Variants in ITGB3BP observed in about 807,000 individuals in gnomAD.
ITGB3BP encodes integrin subunit beta 3 binding protein.
In ITGB3BP, 27 loss-of-function variants were observed where a neutral mutation model predicts 29.1. That is an observed-to-expected ratio of 0.93 (90% CI 0.68 to 1.28). The LOEUF is 1.28. ITGB3BP is among the 50% of genes most tolerant of loss of function. The pLI is 0.00. For synonymous variants in ITGB3BP, 61 were observed against 61.4 expected, an observed-to-expected ratio of 0.99 and a Z score of 0.03; for missense variants, 192 against 200.2, an observed-to-expected ratio of 0.96 and a Z score of 0.25.
intron 1 of ITGB3BP, among the ~76,000 whole-genome samples, chr1:63,518,802 C>T (rs527545578): frequency 2.0e-5 from 3 of 151,956 alleles, no homozygotes; most frequent in South Asian, 4.1e-4. Flanking sequence ...TTTTACCTGC[C>T]TTCTTTTGAA....
chr1:63,482,270 CA>C (rs376500389), intron 3 of ITGB3BP, among the ~76,000 whole-genome samples: 38 of 59,350 alleles, frequency 6.4e-4, no homozygotes, highest in African/African-American at 2.3e-3. Context: ...GACTCCATCT[CA>C]AAAAAAAAAA....
At chr1:63,523,541 A>G (rs1646514111), upstream of ITGB3BP, 3 of 264,898 alleles carry the variant, frequency 1.1e-5, no homozygotes, top group Non-Finnish European at 2.3e-5. Context: ...CATGGTGATT[A>G]GAGAAAGGCC....
chr1:63,448,399 G>A (rs1482543468), intron 7 of ITGB3BP, among the ~76,000 whole-genome samples: 6 of 151,858 alleles, frequency 4.0e-5, no homozygotes, highest in African/African-American at 1.5e-4. Context: ...TCCTGAAAGA[G>A]AGGTTCCAGA....
intron 7 of ITGB3BP, chr1:63,449,780 AAACTTC>A (rs1644837497): frequency 6.5e-6 from 1 of 154,582 alleles, no homozygotes; most frequent in Non-Finnish European, 1.5e-5. Context: ...CGTCACGTCT[AAACTTC>A]AAACCTCAGT....
intron 4 of ITGB3BP, 138 bp from the exon 5 acceptor site, chr1:63,455,106 A>C: frequency 1.9e-6 from 1 of 533,434 alleles, no homozygotes; most frequent in Non-Finnish European, 3.4e-6. Flanking sequence ...TATATTATCA[A>C]CTGTCCCCTC....
At chr1:63,494,768 T>A (rs979343814) in intron 2 of ITGB3BP, among the ~76,000 whole-genome samples, 1 of 152,204 alleles carries the variant, frequency 6.6e-6, no homozygotes, top group African/African-American at 2.4e-5. Context: ...TTAATTTTAA[T>A]AATAAAAGTA....
rs868851398 is a variant in ITGB3BP, at chr1:63,473,636, G to A, written c.254+5128C>T. On this transcript the variant is annotated intron_variant, in intron 4 of 8. Transcript: ENST00000271002. ...AGGGAGGTGGGGGGGTCAGCCCCCCGCCCGGCCAGCCGCCCCGTCCGGGAG... is the reference window on the plus strand; with the variant it reads ...AGGGAGGTGGGGGGGTCAGCCCCCCACCCGGCCAGCCGCCCCGTCCGGGAG... Among the ~76,000 whole-genome samples, 821 of 126,336 alleles carry A rather than the reference G, an allele frequency of 6.5e-3. 7 individuals are homozygous for A. Among genetic ancestry groups the A allele is most frequent in the Middle Eastern group, 0.016 (3 of 192 alleles). 82.9% of individuals were successfully genotyped at this position (126,336 alleles called of 152,430 possible).
chr1:63,456,156 A>G (rs1557611700), intron 4 of ITGB3BP, among the ~76,000 whole-genome samples: 1 of 152,154 alleles, frequency 6.6e-6, no homozygotes, highest in Non-Finnish European at 1.5e-5. Flanking sequence ...AGTGTTAGTC[A>G]TTGACATTTT....
chr1:63,503,391 A>T (rs541511761), intron 2 of ITGB3BP, among the ~76,000 whole-genome samples: 3,308 of 151,458 alleles, frequency 0.022, 110 homozygotes, highest in African/African-American at 0.075. Context: ...GTTTGAGTTC[A>T]TTGTAGATTC....
chr1:63,447,474 C>A, intron 7 of ITGB3BP: 1 of 435,060 alleles, frequency 2.3e-6, no homozygotes, highest in Non-Finnish European at 4.6e-6. Context: ...AGTCCTGTAA[C>A]CAGGCAATTA....
intron 1 of ITGB3BP, among the ~76,000 whole-genome samples, chr1:63,521,518 A>G (rs965931781): frequency 2.0e-5 from 3 of 152,196 alleles, no homozygotes; most frequent in African/African-American, 4.8e-5. Flanking sequence ...TGCATATGTT[A>G]GGAAGACAGT....
upstream of ITGB3BP, chr1:63,523,288 G>A: frequency 1.1e-6 from 1 of 941,884 alleles, no homozygotes; most frequent in East Asian, 2.4e-5. Context: ...TCCTCCCCGC[G>A]ACGAAGGATC....
intron 1 of ITGB3BP, among the ~76,000 whole-genome samples, chr1:63,510,812 G>C (rs1292901507): frequency 6.6e-6 from 1 of 152,084 alleles, no homozygotes; most frequent in Non-Finnish European, 1.5e-5. Flanking sequence ...CAGAGTTTAT[G>C]ACCATCTATT....
chr1:63,475,335 C>A (rs11809271), intron 4 of ITGB3BP, among the ~76,000 whole-genome samples: 1 of 152,080 alleles, frequency 6.6e-6, no homozygotes, highest in African/African-American at 2.4e-5. Context: ...GCAAGAGGAT[C>A]GCTTTAGCCC....
At chr1:63,473,095 G>A (rs1403817013) in intron 4 of ITGB3BP, among the ~76,000 whole-genome samples, 2 of 145,730 alleles carry the variant, frequency 1.4e-5, no homozygotes, top group East Asian at 2.1e-4. Context: ...GCCGCCCATC[G>A]TCTGAGATGT....
intron 1 of ITGB3BP, among the ~76,000 whole-genome samples, chr1:63,518,430 A>G (rs1310048779): frequency 6.6e-6 from 1 of 152,152 alleles, no homozygotes; most frequent in Non-Finnish European, 1.5e-5. Flanking sequence ...CTCTTTCAAT[A>G]TCTATAGCAT....
chr1:63,527,501 T>C (rs746517825), upstream of ITGB3BP, among the ~76,000 whole-genome samples: 6 of 102,866 alleles, frequency 5.8e-5, no homozygotes, highest in Non-Finnish European at 9.7e-5. Flanking sequence ...TTAAGTTCCT[T>C]TTTTGTCAAT....
At chr1:63,517,624 A>T (rs1646362695) in intron 1 of ITGB3BP, among the ~76,000 whole-genome samples, 4 of 152,188 alleles carry the variant, frequency 2.6e-5, no homozygotes, top group Non-Finnish European at 5.9e-5. Context: ...TGCATCCTAC[A>T]TCCTTGCTAA....
chr1:63,526,974 A>G (rs1570368616), upstream of ITGB3BP, among the ~76,000 whole-genome samples: 2 of 152,236 alleles, frequency 1.3e-5, no homozygotes, highest in African/African-American at 2.4e-5. Context: ...CATGTTGGCC[A>G]GGCTGGTCTC....
Sources: allele counts gnomAD v4.1 joint callset (sites outside exome capture counted in the v4.1 genomes callset), GRCh38; gene constraint gnomAD v4.1.1; transcripts MANE v1.5; gene names NCBI Gene and HGNC (gene_info 2026-07-23, HGNC 2026-07-21).